Variants in SEPTIN11 observed in about 807,000 individuals in gnomAD.
SEPTIN11 encodes septin-11.
SEPTIN11 carries 25 observed loss-of-function variants against 51.4 expected under a neutral mutation model. The ratio of observed to expected loss-of-function variants is 0.49; its 90% CI spans 0.35 to 0.68. The LOEUF (loss-of-function observed/expected upper bound fraction) is 0.68, where lower values mean the gene tolerates loss of function less well. SEPTIN11 is among the 30% of genes least tolerant of loss of function. SEPTIN11 has a pLI of 0.00. For missense variants in SEPTIN11, 381 were observed against 520.8 expected (o/e 0.73, Z 2.61); for synonymous variants, 174 against 184.1 (o/e 0.95, Z 0.44).
chr4:76,974,594 G>A (rs1722401115), intron 1 of SEPTIN11: 1 of 370,356 alleles, frequency 2.7e-6, no homozygotes, highest in Non-Finnish European at 5.3e-6. Context: ...GTAGAACTAA[G>A]GCGTTCTAGA....
chr4:77,036,409 T>C lies in SEPTIN11; in HGVS notation c.*1897T>C. On this transcript the variant is annotated 3_prime_UTR_variant, in exon 10 of 10. Coordinates refer to ENST00000264893, the MANE Select transcript of SEPTIN11 (RefSeq NM_018243.4). ...GACAAAAGCTTGAATATTTGTGTTGTATGCTTGTTCCAACCACCGCTTGTG... is the reference window on the plus strand; with the variant it reads ...GACAAAAGCTTGAATATTTGTGTTGCATGCTTGTTCCAACCACCGCTTGTG... The C allele has an allele frequency of 8.9e-7, 1 of 1,127,868 alleles. No individual in the cohort carries two copies. Among genetic ancestry groups the C allele is most frequent in the Non-Finnish European group, 1.1e-6 (1 of 917,288 alleles). The allele number at this position is 1,127,868 out of a possible 1,614,324, so 69.9% of individuals were successfully genotyped here. A position where few individuals can be genotyped will look rare whatever the true frequency, so the allele number is the denominator to read the frequency against.
chr4:76,963,474 C>T (rs548677196), intron 1 of SEPTIN11, among the ~76,000 whole-genome samples: 35 of 152,174 alleles, frequency 2.3e-4, no homozygotes, highest in African/African-American at 8.2e-4. Context: ...CCAAGTCTTC[C>T]GACTGTTGTT....
At chr4:77,016,611 T>TACACATATATATATATAC (rs1725264171) in intron 5 of SEPTIN11, among the ~76,000 whole-genome samples, 2 of 82,884 alleles carry the variant, frequency 2.4e-5, no homozygotes, top group African/African-American at 1.1e-4. Context: ...TATATATATA[T>TACACATATATATATATAC]ACACATATAT....
chr4:77,036,867 T>G lies in SEPTIN11; in HGVS notation c.*2355T>G. On this transcript the variant is annotated 3_prime_UTR_variant, in exon 10 of 10. Transcript: ENST00000264893. ...GTACGGTAGTAAGAAACCTTTGAGATCTTTCTGACTTTTCAAAATTAGAGA... is the reference window on the plus strand; with the variant it reads ...GTACGGTAGTAAGAAACCTTTGAGAGCTTTCTGACTTTTCAAAATTAGAGA... 2 of 1,421,762 alleles carry G rather than the reference T, an allele frequency of 1.4e-6. No individual in the cohort carries two copies. Among genetic ancestry groups the G allele is most frequent in the Non-Finnish European group, 1.8e-6 (2 of 1,095,922 alleles). The allele number at this position is 1,421,762 out of a possible 1,614,324, so 88.1% of individuals were successfully genotyped here. A position where few individuals can be genotyped will look rare whatever the true frequency, so the allele number is the denominator to read the frequency against.
intron 1 of SEPTIN11, among the ~76,000 whole-genome samples, chr4:76,965,829 C>G (rs1722014039): frequency 6.6e-6 from 1 of 152,134 alleles, no homozygotes. Flanking sequence ...TACACGGTAT[C>G]TTAGGATTTA....
At chr4:76,989,904 T>C (rs1040919993) in intron 1 of SEPTIN11, among the ~76,000 whole-genome samples, 1 of 152,208 alleles carries the variant, frequency 6.6e-6, no homozygotes, top group Non-Finnish European at 1.5e-5. Flanking sequence ...CCGGTTGGTT[T>C]GTGGTCTTGC....
rs748849598 is a variant in SEPTIN11, at chr4:77,020,485, TC to T, written c.785-11del. ...CATTGCTAATCCCACTTCCGCCATT[TC>T]CCCCCTCTCTTGTAGTTGAGAATGA... On this transcript the variant is annotated splice_polypyrimidine_tract_variant and intron_variant, in intron 6 of 9. Transcript: ENST00000264893. The T allele has an allele frequency of 3.7e-6, 6 of 1,611,898 alleles. No individual in the cohort carries two copies. The African/African-American group carries it at 5.4e-5, about 14-fold the overall frequency.
intron 5 of SEPTIN11, among the ~76,000 whole-genome samples, chr4:77,018,308 G>A (rs1725447056): frequency 6.6e-6 from 1 of 152,066 alleles, no homozygotes; most frequent in Non-Finnish European, 1.5e-5. Flanking sequence ...AATTAGCTGG[G>A]CATGGTGGCC....
intron 1 of SEPTIN11, among the ~76,000 whole-genome samples, chr4:76,971,520 T>G (rs188732590): frequency 1.3e-5 from 2 of 151,688 alleles, no homozygotes; most frequent in Non-Finnish European, 2.9e-5. Context: ...CATGCAGACA[T>G]CAATGTATAC....
intron 4 of SEPTIN11, among the ~76,000 whole-genome samples, chr4:77,012,295 C>G (rs1724929878): frequency 6.6e-6 from 1 of 151,738 alleles, no homozygotes; most frequent in African/African-American, 2.4e-5. Flanking sequence ...AAATTTTTGT[C>G]TCTGTGATGA....
intron 5 of SEPTIN11, among the ~76,000 whole-genome samples, chr4:77,016,633 C>CACACACATATAT (rs1375044162): frequency 5.5e-5 from 4 of 72,744 alleles, no homozygotes; most frequent in African/African-American, 2.1e-4. Context: ...TATATATACA[C>CACACACATATAT]ATATATATAT....
In SEPTIN11 at chr4:77,038,401, T is replaced by C. The variant is rs1194719173; in HGVS notation, c.*3889T>C. 3.0e-6 allele frequency: 3 copies of C among 985,696 alleles called. No individual in the cohort carries two copies. In the African/African-American group the frequency reaches 5.2e-5, roughly 17 times the overall value. 61.1% of individuals were successfully genotyped at this position (985,696 alleles called of 1,614,324 possible). ...ATTGTTAATGCAGAATTGTCATATA[T>C]GTAAGCTGCATGTTAGACATTTGTC... On this transcript the variant is annotated 3_prime_UTR_variant, in exon 10 of 10. Coordinates refer to ENST00000264893, the MANE Select transcript of SEPTIN11 (RefSeq NM_018243.4).
In SEPTIN11 at chr4:76,974,797, G is replaced by C. The variant is rs145795197; in HGVS notation, c.28-21628G>C. 1.4e-3 allele frequency: 656 copies of C among 456,676 alleles called. 1 individual carries two copies. The highest frequency in any genetic ancestry group is 0.012 in the African/African-American group (594 of 50,184). 28.3% of individuals were successfully genotyped at this position (456,676 alleles called of 1,614,324 possible). A position where few individuals can be genotyped will look rare whatever the true frequency, so the allele number is the denominator to read the frequency against. On this transcript the variant is annotated intron_variant, in intron 1 of 9. Transcript: ENST00000264893. ...TTAACTTAGGTCCTCAATGCAGTTG[G>C]ATATTTTATGGTAAGCTACCCTTTG...
At chr4:77,000,787 C>T (rs895171686) in intron 2 of SEPTIN11, among the ~76,000 whole-genome samples, 2 of 152,156 alleles carry the variant, frequency 1.3e-5, no homozygotes, top group East Asian at 3.8e-4. Flanking sequence ...CCAGGTGCCA[C>T]ACGCTGGCTC....
chr4:76,988,242 C>T (rs1723150523), intron 1 of SEPTIN11, among the ~76,000 whole-genome samples: 1 of 152,238 alleles, frequency 6.6e-6, no homozygotes, highest in Non-Finnish European at 1.5e-5. Flanking sequence ...TAAGGCTACA[C>T]AGCATCCTGT....
chr4:77,016,615 C>CACACATATATATATATACACAT (rs1553975015), intron 5 of SEPTIN11, among the ~76,000 whole-genome samples: 2 of 79,192 alleles, frequency 2.5e-5, no homozygotes, highest in Admixed American at 1.5e-4. Flanking sequence ...TATATATACA[C>CACACATATATATATATACACAT]ATATATATAT....
At position 77,037,401 on chromosome 4, in the gene SEPTIN11, T is replaced by C. The variant is rs1727106712; in HGVS notation, c.*2889T>C. On this transcript the variant is annotated 3_prime_UTR_variant, in exon 10 of 10. Transcript: ENST00000264893. ...TATTAATCCCTGCCTGTGCTCTACA[T>C]AGCCTCATGGGCATCATTGGATAGC... 1.0e-6 allele frequency: 1 copy of C among 984,944 alleles called. No homozygotes were observed. Among genetic ancestry groups the C allele is most frequent in the African/African-American group, 1.8e-5 (1 of 57,132 alleles). The allele number at this position is 984,944 out of a possible 1,614,324, so 61.0% of individuals were successfully genotyped here. A position where few individuals can be genotyped will look rare whatever the true frequency, so the allele number is the denominator to read the frequency against.
In SEPTIN11 at chr4:76,984,597, A is replaced by C. The variant is rs1722927977; in HGVS notation, c.28-11828A>C. On this transcript the variant is annotated intron_variant, in intron 1 of 9. Coordinates refer to ENST00000264893, the MANE Select transcript of SEPTIN11 (RefSeq NM_018243.4). The surrounding 1 kb of genome is among the most constrained non-coding windows in gnomAD (Gnocchi z 4.1). ...ACTGAGGAATAGATGTGTGAATATGAGTAGCACAGGACATAAAAAGTTGAG... is the reference window on the plus strand; with the variant it reads ...ACTGAGGAATAGATGTGTGAATATGCGTAGCACAGGACATAAAAAGTTGAG... 6.6e-6 allele frequency among the ~76,000 whole-genome samples: 1 copy of C among 152,242 alleles called. No homozygotes were observed. The highest frequency in any genetic ancestry group is 1.5e-5 in the Non-Finnish European group (1 of 68,042).
At chr4:76,953,848 A>T (rs1194873038) in intron 1 of SEPTIN11, among the ~76,000 whole-genome samples, 1 of 152,166 alleles carries the variant, frequency 6.6e-6, no homozygotes, top group Non-Finnish European at 1.5e-5. Context: ...TGAAAAGGAG[A>T]CCCAAGGAAT....
Sources: allele counts gnomAD v4.1 joint callset (sites outside exome capture counted in the v4.1 genomes callset), GRCh38; gene constraint gnomAD v4.1.1; non-coding constraint Gnocchi (gnomAD v3.1); transcripts MANE v1.5; gene names NCBI Gene and HGNC (gene_info 2026-07-23, HGNC 2026-07-21).